The following GALNT17 variants were observed in gnomAD, a reference collection of about 807,000 sequenced individuals.
GALNT17 encodes UDP-GalNAc:polypeptide N-acetylgalactosaminyltransferase-like 3.
Under a neutral mutation model 63.7 loss-of-function variants are expected in GALNT17, and 29 were observed. That is an observed-to-expected ratio of 0.46 (90% CI 0.34 to 0.62). The LOEUF is 0.62. Among genes scored for constraint, GALNT17 ranks in the 20% least tolerant of loss-of-function variants. GALNT17 has a pLI of 0.01. For missense variants in GALNT17, 603 were observed against 799.6 expected, an observed-to-expected ratio of 0.75 and a Z score of 2.97; for synonymous variants, 305 against 318.3, an observed-to-expected ratio of 0.96 and a Z score of 0.45.
intron 1 of GALNT17, among the ~76,000 whole-genome samples, chr7:71,266,617 A>G (rs1273554218): frequency 1.3e-5 from 2 of 152,172 alleles, no homozygotes; most frequent in African/African-American, 4.8e-5. Context: ...AGATTGGACT[A>G]ATACATCTGC....
At chr7:71,310,907 G>C (rs1030838867) in intron 1 of GALNT17, among the ~76,000 whole-genome samples, 1 of 152,216 alleles carries the variant, frequency 6.6e-6, no homozygotes, top group Middle Eastern at 3.2e-3. Context: ...ACAGCTGGGA[G>C]TGACTACCAC....
chr7:71,171,916 C>G (rs1338479815), intron 1 of GALNT17, among the ~76,000 whole-genome samples: 1 of 152,162 alleles, frequency 6.6e-6, no homozygotes, highest in African/African-American at 2.4e-5. Flanking sequence ...CTATTTTTGA[C>G]TTTCCGTCGT....
intron 2 of GALNT17, among the ~76,000 whole-genome samples, chr7:71,345,044 T>G (rs1792065903): frequency 6.6e-6 from 1 of 152,178 alleles, no homozygotes; most frequent in Non-Finnish European, 1.5e-5. Context: ...CTGGCTTTAT[T>G]TATGATTTGG....
intron 9 of GALNT17, among the ~76,000 whole-genome samples, chr7:71,690,315 C>G (rs535100573): frequency 6.6e-6 from 1 of 151,978 alleles, no homozygotes; most frequent in African/African-American, 2.4e-5. Context: ...TGAGCCACAA[C>G]GCCTGGCCGG....
intron 1 of GALNT17, among the ~76,000 whole-genome samples, chr7:71,151,721 C>G (rs1788139128): frequency 6.6e-6 from 1 of 151,730 alleles, no homozygotes; most frequent in South Asian, 2.1e-4. Flanking sequence ...TCATCCCCTA[C>G]TTAACGCTGC....
intron 3 of GALNT17, 25 bp from the exon 4 acceptor site, chr7:71,415,864 C>T: frequency 1.3e-6 from 2 of 1,558,146 alleles, no homozygotes; most frequent in Admixed American, 1.9e-5. Context: ...GTTTATAGAC[C>T]TTCTTGCATT....
At chr7:71,592,599 T>TAAAATAAAATAAAAG (rs1789826317) in intron 6 of GALNT17, among the ~76,000 whole-genome samples, 1 of 150,202 alleles carries the variant, frequency 6.7e-6, no homozygotes, top group Non-Finnish European at 1.5e-5. Flanking sequence ...TAAAATAAAA[T>TAAAATAAAATAAAAG]AAAATAAATA....
At chr7:71,599,947 T>A (rs2116932726) in intron 6 of GALNT17, among the ~76,000 whole-genome samples, 1 of 151,890 alleles carries the variant, frequency 6.6e-6, no homozygotes, top group Non-Finnish European at 1.5e-5. Context: ...ACCCACCAGA[T>A]AACAGCCATG....
At chr7:71,160,941 C>T (rs984168084) in intron 1 of GALNT17, among the ~76,000 whole-genome samples, 2 of 152,032 alleles carry the variant, frequency 1.3e-5, no homozygotes, top group South Asian at 2.1e-4. Flanking sequence ...TCAAGCGGCC[C>T]TTCTGCCTCA....
chr7:71,542,540 C>T (rs1305297197), intron 5 of GALNT17, among the ~76,000 whole-genome samples: 3 of 151,490 alleles, frequency 2.0e-5, no homozygotes, highest in African/African-American at 4.8e-5. Flanking sequence ...ACTAAAAATA[C>T]AAAAAATTAG....
intron 6 of GALNT17, among the ~76,000 whole-genome samples, chr7:71,600,936 C>G (rs553777795): frequency 1.3e-5 from 2 of 152,030 alleles, no homozygotes; most frequent in Admixed American, 1.3e-4. Context: ...CCCCAAGTCC[C>G]CAAAGTCCAT....
At chr7:71,278,932 T>C (rs113769370) in intron 1 of GALNT17, among the ~76,000 whole-genome samples, 8,477 of 151,582 alleles carry the variant, frequency 0.056, 324 homozygotes, top group Non-Finnish European at 0.084. Context: ...TCTTCTTCTT[T>C]TTTTTTTTAA....
At chr7:71,672,924 A>G (rs1791091999) in intron 8 of GALNT17, among the ~76,000 whole-genome samples, 1 of 152,246 alleles carries the variant, frequency 6.6e-6, no homozygotes, top group African/African-American at 2.4e-5. Flanking sequence ...AAAAATACAC[A>G]TGGATGAAAA....
intron 2 of GALNT17, among the ~76,000 whole-genome samples, chr7:71,363,358 A>T (rs1792442268): frequency 6.6e-6 from 1 of 152,192 alleles, no homozygotes; most frequent in African/African-American, 2.4e-5. Context: ...GGCACTGGAA[A>T]ATACAGTGGT....
chr7:71,685,467 G>A (rs1436628152), intron 9 of GALNT17: 1 of 152,182 alleles, frequency 6.6e-6, no homozygotes, highest in Non-Finnish European at 1.5e-5. Flanking sequence ...ATTGGCAGGT[G>A]CTTTTCTTTG....
intron 3 of GALNT17, among the ~76,000 whole-genome samples, chr7:71,414,693 G>A (rs1793493167): frequency 6.6e-6 from 1 of 152,218 alleles, no homozygotes; most frequent in Admixed American, 6.5e-5. Context: ...TCACGTGGCA[G>A]CTAAGAGGTA....
intron 5 of GALNT17, among the ~76,000 whole-genome samples, chr7:71,466,347 G>T (rs1332367652): frequency 6.6e-6 from 1 of 151,794 alleles, no homozygotes; most frequent in Non-Finnish European, 1.5e-5. Flanking sequence ...CAGCATTGGT[G>T]TTAAAATAGA....
intron 1 of GALNT17, among the ~76,000 whole-genome samples, chr7:71,218,766 G>A (rs1379026355): frequency 6.6e-6 from 1 of 152,020 alleles, no homozygotes; most frequent in African/African-American, 2.4e-5. Context: ...GTGCATGTGA[G>A]GGATCTAGGA....
intron 1 of GALNT17, among the ~76,000 whole-genome samples, chr7:71,164,776 T>G (rs1040443766): frequency 6.6e-6 from 1 of 152,216 alleles, no homozygotes; most frequent in African/African-American, 2.4e-5. Flanking sequence ...TGAGGTTATC[T>G]AAAGACGATT....
Sources: gnomAD v4.1 joint callset for allele counts (sites outside exome capture counted in the v4.1 genomes callset) on GRCh38, gnomAD v4.1.1 for gene constraint, MANE v1.5 for transcripts, NCBI Gene and HGNC (gene_info 2026-07-23, HGNC 2026-07-21) for gene names.